SLC38A12: variants seen among roughly 807,000 people sequenced by gnomAD.
SLC38A12 encodes solute carrier family 38 member 12.
At chr17:74,822,806 T>A in the SLC38A12 span, among the ~76,000 whole-genome samples, 3 of 152,208 alleles carry the variant, frequency 2.0e-5, no homozygotes, top group Non-Finnish European at 4.4e-5. Context: ...TTCTTCCCAG[T>A]GCTGGCGGAA....
chr17:74,809,867 A>C, the SLC38A12 span, among the ~76,000 whole-genome samples: 2 of 152,222 alleles, frequency 1.3e-5, no homozygotes, highest in Non-Finnish European at 2.9e-5. Context: ...GAGGTAGCGC[A>C]GGTGCCCCAC....
chr17:74,795,823 A>G, the SLC38A12 span, among the ~76,000 whole-genome samples: 1 of 152,190 alleles, frequency 6.6e-6, no homozygotes, highest in Non-Finnish European at 1.5e-5. Flanking sequence ...CTAGCCCCCA[A>G]GGTTCCTGGC....
chr17:74,784,326 A>C, the SLC38A12 span, among the ~76,000 whole-genome samples: 1 of 152,160 alleles, frequency 6.6e-6, no homozygotes, highest in East Asian at 1.9e-4. Flanking sequence ...GGCCGGAAAG[A>C]CTCATTTGAA....
At chr17:74,832,628 G>T in the SLC38A12 span, among the ~76,000 whole-genome samples, 1 of 152,254 alleles carries the variant, frequency 6.6e-6, no homozygotes. Context: ...CACTCGGTCT[G>T]CTCAGCCCCA....
chr17:74,838,730 C>A, the SLC38A12 span: 3 of 1,445,218 alleles, frequency 2.1e-6, no homozygotes, highest in African/African-American at 4.3e-5. Flanking sequence ...GCTTCTGCCG[C>A]TGACGGCCAA....
At chr17:74,807,620 A>C in the SLC38A12 span, among the ~76,000 whole-genome samples, 1 of 152,234 alleles carries the variant, frequency 6.6e-6, no homozygotes, top group Non-Finnish European at 1.5e-5. Context: ...CGCAAGTGCC[A>C]GAGCACTTCT....
At chr17:74,806,443 CT>C in the SLC38A12 span, among the ~76,000 whole-genome samples, 2 of 152,196 alleles carry the variant, frequency 1.3e-5, no homozygotes, top group African/African-American at 4.8e-5. Flanking sequence ...ACTAAAAGAG[CT>C]GTTTTTGTAG....
the SLC38A12 span, chr17:74,785,376 CT>C: frequency 6.7e-7 from 1 of 1,502,244 alleles, no homozygotes; most frequent in Non-Finnish European, 9.0e-7. Context: ...ACAGTGTGGC[CT>C]TCTGGCCTCC....
the SLC38A12 span, chr17:74,795,468 C>G: frequency 6.5e-7 from 1 of 1,535,016 alleles, no homozygotes; most frequent in Non-Finnish European, 8.9e-7. Context: ...TCTGTCTCCC[C>G]CAGCCCAGCC....
chr17:74,823,168 ATGAGGCCATGCTTTCC>A, the SLC38A12 span, among the ~76,000 whole-genome samples: 455 of 152,198 alleles, frequency 3.0e-3, 1 homozygote, highest in Non-Finnish European at 4.7e-3. Flanking sequence ...CTCTCCCCAG[ATGAGGCCATGCTTTCC>A]CAATAACCAA....
chr17:74,792,002 C>T, the SLC38A12 span, among the ~76,000 whole-genome samples: 4 of 151,884 alleles, frequency 2.6e-5, no homozygotes, highest in African/African-American at 2.4e-5. Context: ...AAAAATTAGC[C>T]GGGCATGGTG....
chr17:74,779,330 T>G, the SLC38A12 span, among the ~76,000 whole-genome samples: 2 of 152,154 alleles, frequency 1.3e-5, no homozygotes, highest in Non-Finnish European at 2.9e-5. Context: ...CTCCTCTGTG[T>G]TTTATTTCGT....
the SLC38A12 span, among the ~76,000 whole-genome samples, chr17:74,782,049 G>A: frequency 1.3e-5 from 2 of 152,162 alleles, no homozygotes; most frequent in Non-Finnish European, 2.9e-5. Context: ...TCTTCTCACA[G>A]TGCCCTGATT....
At chr17:74,798,278 G>A in the SLC38A12 span, among the ~76,000 whole-genome samples, 10 of 152,208 alleles carry the variant, frequency 6.6e-5, no homozygotes, top group African/African-American at 2.4e-4. Flanking sequence ...ATCTGGAAGC[G>A]ATTTCTTCTG....
At chr17:74,835,735 C>A in the SLC38A12 span, among the ~76,000 whole-genome samples, 1 of 152,218 alleles carries the variant, frequency 6.6e-6, no homozygotes, top group East Asian at 1.9e-4. Context: ...GAGAACAGGA[C>A]AGAGAGGGAT....
At chr17:74,777,772 A>G in the SLC38A12 span, 37 of 447,130 alleles carry the variant, frequency 8.3e-5, no homozygotes, top group African/African-American at 6.7e-4. Context: ...ATACAAAATT[A>G]GCCGGGCATG....
At chr17:74,817,073 T>A in the SLC38A12 span, among the ~76,000 whole-genome samples, 1 of 135,908 alleles carries the variant, frequency 7.4e-6, no homozygotes, top group East Asian at 2.4e-4. Flanking sequence ...CGCATGCCAT[T>A]GCCTCTGTCC....
the SLC38A12 span, among the ~76,000 whole-genome samples, chr17:74,796,325 C>T: frequency 1.3e-5 from 2 of 152,220 alleles, no homozygotes; most frequent in South Asian, 4.1e-4. Context: ...TCTCTGCTTC[C>T]TCTTGGTCCT....
the SLC38A12 span, chr17:74,839,378 T>TGGCTGGCAGTGCCAGGCCTGGG: frequency 6.9e-6 from 3 of 432,470 alleles, no homozygotes; most frequent in African/African-American, 5.9e-5. Flanking sequence ...AGAGGGGCAG[T>TGGCTGGCAGTGCCAGGCCTGGG]GGCTGGCAGT....
Sources: allele counts gnomAD v4.1 joint callset (sites outside exome capture counted in the v4.1 genomes callset), GRCh38; gene constraint gnomAD v4.1.1; transcripts MANE v1.5; gene names NCBI Gene and HGNC (gene_info 2026-07-23, HGNC 2026-07-21).